The following C9orf153 variants were observed in gnomAD, a reference collection of about 807,000 sequenced individuals.
C9orf153 encodes uncharacterized protein C9orf153.
C9orf153 carries 10 observed loss-of-function variants against 9.0 expected under a neutral mutation model. That is an observed-to-expected ratio of 1.11 (90% CI 0.69 to 1.89). The LOEUF (loss-of-function observed/expected upper bound fraction) is 1.89. Among genes scored for constraint, C9orf153 ranks in the 40% most tolerant of loss-of-function variants. C9orf153 has a pLI of 0.00. For missense variants in C9orf153, 108 were observed against 111.0 expected, an observed-to-expected ratio of 0.97 and a Z score of 0.12; for synonymous variants, 35 against 37.3, an observed-to-expected ratio of 0.94 and a Z score of 0.23.
chr9:86,227,526 C>A, intron 3 of C9orf153: 1 of 1,363,662 alleles, frequency 7.3e-7, no homozygotes, highest in Non-Finnish European at 9.4e-7. Context: ...CCCACATGGC[C>A]TCATCTGTTT....
intron 1 of C9orf153, among the ~76,000 whole-genome samples, chr9:86,239,433 G>A (rs182710816): frequency 0.025 from 3,716 of 151,168 alleles, 59 homozygotes; most frequent in Non-Finnish European, 0.036. Context: ...TCAGCAGAAA[G>A]AAAAAAAAAG....
chr9:86,228,153 T>A (rs994657690), intron 2 of C9orf153, 123 bp from the exon 3 acceptor site: 14 of 717,336 alleles, frequency 2.0e-5, no homozygotes, highest in Non-Finnish European at 3.1e-5. Context: ...AGCATTTTTA[T>A]CTTTGGAAGA....
chr9:86,241,528 A>G (rs950490351), intron 1 of C9orf153, among the ~76,000 whole-genome samples: 6 of 152,248 alleles, frequency 3.9e-5, no homozygotes, highest in Non-Finnish European at 1.5e-5. Flanking sequence ...CATGTATTAC[A>G]GGACGTCAAG....
intron 1 of C9orf153, among the ~76,000 whole-genome samples, chr9:86,257,397 A>G (rs1398162314): frequency 6.6e-6 from 1 of 152,082 alleles, no homozygotes; most frequent in Non-Finnish European, 1.5e-5. Context: ...CAGGCCTTTT[A>G]AGCTCCTCCC....
At chr9:86,257,053 T>C (rs1825136000) in intron 1 of C9orf153, among the ~76,000 whole-genome samples, 2 of 152,204 alleles carry the variant, frequency 1.3e-5, no homozygotes, top group Admixed American at 1.3e-4. Flanking sequence ...ATGTAAATAC[T>C]TGGTAAACAA....
chr9:86,227,533 G>A (rs903955797), intron 3 of C9orf153: 1 of 1,363,114 alleles, frequency 7.3e-7, no homozygotes, highest in African/African-American at 1.5e-5. Context: ...GGCCTCATCT[G>A]TTTAAATTAC....
chr9:86,256,959 G>C lies in C9orf153; in HGVS notation c.-27+2591C>G, dbSNP rs1014790520. Among the ~76,000 whole-genome samples the C allele has an allele frequency of 1.4e-4, 21 of 152,236 alleles. 1 individual carries two copies. The highest frequency in any genetic ancestry group is 4.8e-4 in the African/African-American group (20 of 41,530). ...AGATCACTTGAGTACAGGAGTTCAA[G>C]ACCAGCCTGGGCAACACAGGGGGAA... On this transcript the variant is annotated intron_variant, in intron 1 of 3. Coordinates refer to ENST00000339137, the MANE Select transcript of C9orf153 (RefSeq NM_001276366.4).
chr9:86,249,242 C>CT (rs1824938041), intron 1 of C9orf153, among the ~76,000 whole-genome samples: 1 of 152,148 alleles, frequency 6.6e-6, no homozygotes, highest in African/African-American at 2.4e-5. Context: ...AAAGGCCTCC[C>CT]TGGGAGTAAG....
intron 1 of C9orf153, among the ~76,000 whole-genome samples, chr9:86,238,494 A>G (rs1340114215): frequency 6.6e-6 from 1 of 152,244 alleles, no homozygotes. Context: ...GAAATTTTCA[A>G]AATACCTGGA....
chr9:86,235,604 A>G (rs1394097740), intron 1 of C9orf153, among the ~76,000 whole-genome samples: 1 of 151,696 alleles, frequency 6.6e-6, no homozygotes, highest in Non-Finnish European at 1.5e-5. Flanking sequence ...AAAATACAAA[A>G]ATTAGCCAGG....
chr9:86,235,320 T>A (rs1406107995), intron 1 of C9orf153, among the ~76,000 whole-genome samples: 1 of 151,896 alleles, frequency 6.6e-6, no homozygotes, highest in Non-Finnish European at 1.5e-5. Flanking sequence ...TAAGAAAGAA[T>A]CAAAAAGAAA....
At chr9:86,248,076 A>G (rs1315158487) in intron 1 of C9orf153, among the ~76,000 whole-genome samples, 1 of 152,022 alleles carries the variant, frequency 6.6e-6, no homozygotes, top group East Asian at 1.9e-4. Flanking sequence ...AGAGATTTCC[A>G]TTTGTCTGCA....
chr9:86,241,122 C>T (rs1223671719), intron 1 of C9orf153, among the ~76,000 whole-genome samples: 1 of 152,156 alleles, frequency 6.6e-6, no homozygotes, highest in Non-Finnish European at 1.5e-5. Flanking sequence ...AGACAGCCCC[C>T]TCTTTGCTTT....
At position 86,227,504 on chromosome 9, in the gene C9orf153, C is replaced by T. The variant is rs1824363136; in HGVS notation, c.242+351G>A. ...TCTAGTAAATTTGCAATGAGATTTCCATTCCTTTTCTCCCACATGGCCTCA... is the reference window on the plus strand; with the variant it reads ...TCTAGTAAATTTGCAATGAGATTTCTATTCCTTTTCTCCCACATGGCCTCA... On this transcript the variant is annotated intron_variant, in intron 3 of 3. Transcript: ENST00000339137. 6 of 1,367,342 alleles carry T rather than the reference C, an allele frequency of 4.4e-6. No individual in the cohort carries two copies. The South Asian group carries it at 1.2e-4, about 28-fold the overall frequency. 84.7% of individuals were successfully genotyped at this position (1,367,342 alleles called of 1,614,324 possible). A position where few individuals can be genotyped will look rare whatever the true frequency, so the allele number is the denominator to read the frequency against.
At chr9:86,234,667 G>A (rs755194178) in intron 1 of C9orf153, among the ~76,000 whole-genome samples, 15 of 152,250 alleles carry the variant, frequency 9.9e-5, no homozygotes, top group Admixed American at 3.3e-4. Context: ...GGTTTCTTGC[G>A]TATAACACGA....
chr9:86,226,327 T>C (rs1043261030), intron 3 of C9orf153, among the ~76,000 whole-genome samples: 1 of 152,146 alleles, frequency 6.6e-6, no homozygotes, highest in Admixed American at 6.5e-5. Flanking sequence ...CATTACTTTT[T>C]TTTTTCTTCT....
At chr9:86,249,612 G>A (rs990566250) in intron 1 of C9orf153, among the ~76,000 whole-genome samples, 3 of 151,138 alleles carry the variant, frequency 2.0e-5, no homozygotes, top group Admixed American at 6.6e-5. Flanking sequence ...GCAGTGGCGC[G>A]ATTTTGGCTC....
chr9:86,247,146 G>C (rs1824886023), intron 1 of C9orf153, among the ~76,000 whole-genome samples: 1 of 152,174 alleles, frequency 6.6e-6, no homozygotes, highest in African/African-American at 2.4e-5. Flanking sequence ...ATGCAGTCAG[G>C]GAACGGGCAC....
chr9:86,221,954 C>T (rs944401521), intron 3 of C9orf153, among the ~76,000 whole-genome samples: 12 of 152,154 alleles, frequency 7.9e-5, no homozygotes, highest in Admixed American at 3.3e-4. Flanking sequence ...GGTGCGATAT[C>T]GGCTCATCAC....
Sources: allele counts gnomAD v4.1 joint callset (sites outside exome capture counted in the v4.1 genomes callset), GRCh38; gene constraint gnomAD v4.1.1; transcripts MANE v1.5; gene names NCBI Gene and HGNC (gene_info 2026-07-23, HGNC 2026-07-21).